The following RRAGA variants were observed in gnomAD, a reference collection of about 807,000 sequenced individuals.
RRAGA encodes Ras related GTP binding A.
A neutral mutation model predicts 20.5 loss-of-function variants in RRAGA; 11 were observed. The observed-to-expected ratio is 0.54, with a 90% CI of 0.34 to 0.89. RRAGA has a LOEUF of 0.89. RRAGA is among the 40% of genes least tolerant of loss of function. The pLI is 0.02. For synonymous variants in RRAGA, 184 were observed against 155.4 expected (o/e 1.18, Z -1.37); for missense variants, 214 against 400.7 (o/e 0.53, Z 3.98).
At position 19,050,559 on chromosome 9, in the gene RRAGA, G is replaced by A. The variant is rs1312383651; in HGVS notation, c.900G>A (p.Leu300=). The change falls in exon 1 of 1, where the codon CTG becomes CTA. Residue 300 remains leucine (L), a synonymous_variant. Transcript: ENST00000380527. ...IRNARKHFEK[L]ERVDGPKHSL... is the part of the protein sequence containing the mutation. ...ATGCCCGGAAACACTTTGAGAAGCT[G>A]GAGAGAGTGGATGGCCCCAAGCACA... 4 of 1,614,100 alleles carry A rather than the reference G, an allele frequency of 2.5e-6. No homozygotes were observed. Among genetic ancestry groups the A allele is most frequent in the African/African-American group, 2.7e-5 (2 of 74,922 alleles).
rs1275046174 is a variant in RRAGA, at chr9:19,050,541, G to A, written c.882G>A (p.Arg294=). ...AATLINIRNA[R]KHFEKLERVD... ...CTCTGATCAACATTCGCAATGCCCGGAAACACTTTGAGAAGCTGGAGAGAG... is the reference window on the plus strand; with the variant it reads ...CTCTGATCAACATTCGCAATGCCCGAAAACACTTTGAGAAGCTGGAGAGAG... Residue 294 remains arginine, a synonymous_variant, in exon 1 of 1, where the codon CGG becomes CGA. Transcript: ENST00000380527. The A allele has an allele frequency of 6.2e-7, 1 of 1,614,186 alleles. No individual in the cohort carries two copies. Among genetic ancestry groups the A allele is most frequent in the Non-Finnish European group, 8.5e-7 (1 of 1,180,046 alleles).
rs1442036423 is a variant in RRAGA, at chr9:19,049,564, G to GGC, written c.-92_-91dup. On this transcript the variant is annotated 5_prime_UTR_variant, in exon 1 of 1. Coordinates refer to ENST00000380527, the MANE Select transcript of RRAGA (RefSeq NM_006570.5). The surrounding 1 kb of genome is among the most constrained non-coding windows in gnomAD (Gnocchi z 5.4). ...CCAGCTGCGCGGCGGAGCGGAGCGA[G>GGC]GCGCGGCCTGCGAGTCCCCGGCAGC... 1 of 906,996 alleles carries GGC rather than the reference G, an allele frequency of 1.1e-6. No individual in the cohort carries two copies. Among genetic ancestry groups the GGC allele is most frequent in the Non-Finnish European group, 1.6e-6 (1 of 612,252 alleles). 56.2% of individuals were successfully genotyped at this position (906,996 alleles called of 1,614,324 possible). A position where few individuals can be genotyped will look rare whatever the true frequency, so the allele number is the denominator to read the frequency against.
rs1836339239 is a variant in RRAGA at position 19,050,992 on chromosome 9, T to G, written c.*391T>G. The G allele has an allele frequency of 5.6e-6, 1 of 179,660 alleles. No individual in the cohort carries two copies. The highest frequency in any genetic ancestry group is 5.7e-5 in the Admixed American group (1 of 17,618). The allele number at this position is 179,660 out of a possible 1,614,324, so 11.1% of individuals were successfully genotyped here. A position where few individuals can be genotyped will look rare whatever the true frequency, so the allele number is the denominator to read the frequency against. On this transcript the variant is annotated 3_prime_UTR_variant, in exon 1 of 1. Transcript: ENST00000380527. ...AATGCATTTATAAATTCTTCTTGGC[T>G]TCATTCATGAATAAACGTGTTAGCA...
At position 19,050,517 on chromosome 9, in the gene RRAGA, T is replaced by C. The variant is rs1470972965; in HGVS notation, c.858T>C (p.Thr286=). The C allele has an allele frequency of 4.3e-6, 7 of 1,614,052 alleles. No individual in the cohort carries two copies. Among genetic ancestry groups the C allele is most frequent in the Non-Finnish European group, 5.9e-6 (7 of 1,180,042 alleles). The change falls in exon 1 of 1, where the codon ACT becomes ACC. Residue 286 remains threonine, a synonymous_variant. Transcript: ENST00000380527. ...ATCCGTCGATCCCTTCTGCGGCCAC[T>C]CTGATCAACATTCGCAATGCCCGGA... is the stretch of plus-strand genomic sequence containing the variant. ...MSDPSIPSAA[T]LINIRNARKH...
chr9:19,049,518 G>C lies in RRAGA; in HGVS notation c.-142G>C. 1 of 635,614 alleles carries C rather than the reference G, an allele frequency of 1.6e-6. No homozygotes were observed. Among genetic ancestry groups the C allele is most frequent in the Non-Finnish European group, 2.6e-6 (1 of 386,508 alleles). The allele number at this position is 635,614 out of a possible 1,614,324, so 39.4% of individuals were successfully genotyped here. On this transcript the variant is annotated 5_prime_UTR_variant, in exon 1 of 1. Coordinates refer to ENST00000380527, the MANE Select transcript of RRAGA (RefSeq NM_006570.5). This position sits in a 1 kb window ranked among gnomAD's most constrained non-coding sequence, Gnocchi z 5.4. Reference sequence around the variant, plus strand: ...GCGGCCTCTCCAGCCCCGGGTTCGCGCTCTCGACTCTCCTGCCTGCCCAGC... The same window carrying C: ...GCGGCCTCTCCAGCCCCGGGTTCGCCCTCTCGACTCTCCTGCCTGCCCAGC...
Position 19,050,418 on chromosome 9 carries a change from A to G in RRAGA, c.759A>G (p.Glu253=), listed in dbSNP as rs756850400. 7 of 1,614,068 alleles carry G rather than the reference A, an allele frequency of 4.3e-6. No individual in the cohort carries two copies. In the African/African-American group the frequency reaches 8.0e-5, roughly 18 times the overall value. ...SKLAASFQSM[E]VRNSNFAAFI... is the part of the protein sequence containing the mutation. Reference sequence around the variant, plus strand: ...TGGCCGCTTCCTTCCAGAGCATGGAAGTTAGGAATTCCAACTTCGCTGCTT... The same window carrying G: ...TGGCCGCTTCCTTCCAGAGCATGGAGGTTAGGAATTCCAACTTCGCTGCTT... The change falls in exon 1 of 1, where the codon GAA becomes GAG. Residue 253 remains glutamate, a synonymous_variant. Transcript: ENST00000380527.
Position 19,049,515 on chromosome 9 carries a change from C to A in RRAGA, c.-145C>A. ...TCCGCGGCCTCTCCAGCCCCGGGTT[C>A]GCGCTCTCGACTCTCCTGCCTGCCC... On this transcript the variant is annotated 5_prime_UTR_variant, in exon 1 of 1. Transcript: ENST00000380527. This position sits in a 1 kb window ranked among gnomAD's most constrained non-coding sequence, Gnocchi z 5.4. The A allele has an allele frequency of 1.6e-6, 1 of 622,344 alleles. No homozygotes were observed. The highest frequency in any genetic ancestry group is 2.7e-6 in the Non-Finnish European group (1 of 375,896). The allele number at this position is 622,344 out of a possible 1,614,324, so 38.6% of individuals were successfully genotyped here.
Position 19,049,655 on chromosome 9 carries a change from G to A in RRAGA, c.-5G>A, listed in dbSNP as rs1214560973. The A allele has an allele frequency of 1.1e-5, 18 of 1,605,608 alleles. 1 individual carries two copies. Among genetic ancestry groups the A allele is most frequent in the Middle Eastern group, 3.3e-4 (2 of 6,056 alleles). The stretch of plus-strand genomic sequence containing the variant: ...CAGGCCCAGTCCGCGGTGCCCCGGC[G>A]GGTGATGCCAAATACAGCCATGAAG... On this transcript the variant is annotated 5_prime_UTR_variant, in exon 1 of 1. Coordinates refer to ENST00000380527, the MANE Select transcript of RRAGA (RefSeq NM_006570.5). The surrounding 1 kb of genome is among the most constrained non-coding windows in gnomAD (Gnocchi z 5.4).
Position 19,049,833 on chromosome 9 carries a change from G to C in RRAGA, c.174G>C (p.Leu58=). Reference sequence around the variant, plus strand: ...TCCGATTCCTAGGGAACCTGGTGCTGAACCTGTGGGACTGTGGCGGTCAGG... The same window carrying C: ...TCCGATTCCTAGGGAACCTGGTGCTCAACCTGTGGGACTGTGGCGGTCAGG... ...SHVRFLGNLV[L]NLWDCGGQDT... The change falls in exon 1 of 1, where the codon CTG becomes CTC. Residue 58 remains leucine, a synonymous_variant. Transcript: ENST00000380527. This position sits in a 1 kb window ranked among gnomAD's most constrained non-coding sequence, Gnocchi z 5.4. The C allele has an allele frequency of 6.2e-7, 1 of 1,614,184 alleles. No individual in the cohort carries two copies. Among genetic ancestry groups the C allele is most frequent in the Non-Finnish European group, 8.5e-7 (1 of 1,180,048 alleles).
At position 19,050,721 on chromosome 9, in the gene RRAGA, C is replaced by T; in HGVS notation, c.*120C>T. On this transcript the variant is annotated 3_prime_UTR_variant, in exon 1 of 1. Transcript: ENST00000380527. ...GCTTTGAAGTGTGTGCTGCTTACTC[C>T]TTTCATCTTTCTCCCCGCTTCCCCA... is the stretch of plus-strand genomic sequence containing the variant. The T allele has an allele frequency of 2.2e-6, 2 of 889,762 alleles. No individual in the cohort carries two copies. Among genetic ancestry groups the T allele is most frequent in the South Asian group, 1.7e-5 (1 of 58,416 alleles). The allele number at this position is 889,762 out of a possible 1,614,324, so 55.1% of individuals were successfully genotyped here. A position where few individuals can be genotyped will look rare whatever the true frequency, so the allele number is the denominator to read the frequency against.
rs1238682625 is a variant in RRAGA at position 19,049,436 on chromosome 9, G to C, written c.-224G>C. 6.8e-6 allele frequency: 3 copies of C among 438,634 alleles called. No individual in the cohort carries two copies. Among genetic ancestry groups the C allele is most frequent in the Non-Finnish European group, 1.2e-5 (3 of 249,084 alleles). 27.2% of individuals were successfully genotyped at this position (438,634 alleles called of 1,614,324 possible). Reference sequence around the variant, plus strand: ...CTCCCGGAAAGCGAGCGTATCTCCCGAGCCGTTGCCACTGACAGCCGCGGG... The same window carrying C: ...CTCCCGGAAAGCGAGCGTATCTCCCCAGCCGTTGCCACTGACAGCCGCGGG... On this transcript the variant is annotated 5_prime_UTR_variant, in exon 1 of 1. Transcript: ENST00000380527. The surrounding 1 kb of genome is among the most constrained non-coding windows in gnomAD (Gnocchi z 5.4).
rs2131084116 is a variant in RRAGA, at chr9:19,050,117, G to T, written c.458G>T (p.Arg153Leu). The change falls in exon 1 of 1, where the codon CGC becomes CTC. Residue 153 changes from arginine to leucine, a missense_variant. Physicochemically the swap from Arg to Leu is moderately radical, Grantham distance 102 (BLOSUM62 -2). Around this residue, in one of 4 missense-constraint regions of RRAGA, gnomAD observed 88 missense variants for 169.9 expected, o/e 0.52. Transcript: ENST00000380527. ...GAGGAAGACCTGAGGCGTCTGTCTCGCCCGCTGGAGTGTGCTTGTTTTCGA... is the reference window on the plus strand; with the variant it reads ...GAGGAAGACCTGAGGCGTCTGTCTCTCCCGCTGGAGTGTGCTTGTTTTCGA... ...EREEDLRRLS[R>L]PLECACFRTS... is the part of the protein sequence containing the mutation. The T allele has an allele frequency of 6.2e-7, 1 of 1,614,000 alleles. No individual in the cohort carries two copies. The highest frequency in any genetic ancestry group is 1.1e-5 in the South Asian group (1 of 91,064).
In RRAGA at chr9:19,049,692, G is replaced by T. The variant is rs762716867; in HGVS notation, c.33G>T (p.Leu11=). ...ATACAGCCATGAAGAAAAAGGTGCT[G>T]CTGATGGGGAAGAGCGGGTCGGGGA... The part of the protein sequence containing the change: MPNTAMKKKV[L]LMGKSGSGKT... The change falls in exon 1 of 1, where the codon CTG becomes CTT. Residue 11 remains leucine (L), a synonymous_variant. Coordinates refer to ENST00000380527, the MANE Select transcript of RRAGA (RefSeq NM_006570.5). This position sits in a 1 kb window ranked among gnomAD's most constrained non-coding sequence, Gnocchi z 5.4. 6.8e-6 allele frequency: 11 copies of T among 1,613,920 alleles called. No individual in the cohort carries two copies. The Admixed American group carries it at 1.7e-4, about 24-fold the overall frequency.
At position 19,050,035 on chromosome 9, in the gene RRAGA, G is replaced by T. The variant is rs200648187; in HGVS notation, c.376G>T (p.Val126Leu). 4.3e-6 allele frequency: 7 copies of T among 1,614,164 alleles called. No homozygotes were observed. The East Asian group carries it at 1.1e-4, about 26-fold the overall frequency. ...NSPDAKIFCL[V>L]HKMDLVQEDQ... ...TCCTGACGCCAAAATCTTCTGCCTGGTGCACAAAATGGATCTGGTTCAGGA... is the reference window on the plus strand; with the variant it reads ...TCCTGACGCCAAAATCTTCTGCCTGTTGCACAAAATGGATCTGGTTCAGGA... Residue 126 changes from valine (V) to leucine (L), a missense_variant, in exon 1 of 1, where the codon GTG becomes TTG. Around this residue, in one of 4 missense-constraint regions of RRAGA, gnomAD observed 88 missense variants for 169.9 expected, o/e 0.52. Coordinates refer to ENST00000380527, the MANE Select transcript of RRAGA (RefSeq NM_006570.5).
rs1564002073 is a variant in RRAGA at position 19,050,196 on chromosome 9, G to C, written c.537G>C (p.Gln179His). Reference sequence around the variant, plus strand: ...AAGCCTGGTCCAGCATCGTCTACCAGCTGATTCCCAACGTTCAGCAGCTGG... The same window carrying C: ...AAGCCTGGTCCAGCATCGTCTACCACCTGATTCCCAACGTTCAGCAGCTGG... ...LYKAWSSIVY[Q>H]LIPNVQQLEM... Residue 179 changes from glutamine to histidine, a missense_variant, in exon 1 of 1, where the codon CAG becomes CAC. Physicochemically the swap from Gln to His is conservative, Grantham distance 24. Around this residue, in one of 4 missense-constraint regions of RRAGA, gnomAD observed 88 missense variants for 169.9 expected, o/e 0.52. Transcript: ENST00000380527. 1 of 1,613,954 alleles carries C rather than the reference G, an allele frequency of 6.2e-7. No homozygotes were observed.
chr9:19,050,760 G>A lies in RRAGA; in HGVS notation c.*159G>A, dbSNP rs1836334133. ...CCCGCTTCCCCAGTCTTTAAACATT[G>A]GACGCTATTTACTCAGCTACCCAGT... On this transcript the variant is annotated 3_prime_UTR_variant, in exon 1 of 1. Coordinates refer to ENST00000380527, the MANE Select transcript of RRAGA (RefSeq NM_006570.5). 1.4e-6 allele frequency: 1 copy of A among 720,696 alleles called. No individual in the cohort carries two copies. The highest frequency in any genetic ancestry group is 1.9e-5 in the South Asian group (1 of 52,062). 44.6% of individuals were successfully genotyped at this position (720,696 alleles called of 1,614,324 possible).
Position 19,049,628 on chromosome 9 carries a change from C to G in RRAGA, c.-32C>G. 1 of 1,565,388 alleles carries G rather than the reference C, an allele frequency of 6.4e-7. No homozygotes were observed. The highest frequency in any genetic ancestry group is 8.7e-7 in the Non-Finnish European group (1 of 1,149,734). ...CTCGGCGCTGCGTGTAGGCCGCGCC[C>G]TCAGGCCCAGTCCGCGGTGCCCCGG... On this transcript the variant is annotated 5_prime_UTR_variant, in exon 1 of 1. Coordinates refer to ENST00000380527, the MANE Select transcript of RRAGA (RefSeq NM_006570.5). This position sits in a 1 kb window ranked among gnomAD's most constrained non-coding sequence, Gnocchi z 5.4.
Position 19,050,639 on chromosome 9 carries a change from CT to C in RRAGA, c.*44del. ...GCTCTTTCTGAAAATGCTGAATTGC[CT>C]TTTTTGTTTGCATCCTTTATTTTTA... On this transcript the variant is annotated 3_prime_UTR_variant, in exon 1 of 1. Transcript: ENST00000380527. 6.3e-7 allele frequency: 1 copy of C among 1,580,360 alleles called. No individual in the cohort carries two copies. Among genetic ancestry groups the C allele is most frequent in the Non-Finnish European group, 8.7e-7 (1 of 1,153,892 alleles).
At position 19,050,145 on chromosome 9, in the gene RRAGA, G is replaced by C. The variant is rs567226713; in HGVS notation, c.486G>C (p.Thr162=). The part of the protein sequence containing the change: ...SRPLECACFR[T]SIWDETLYKA... ...CGCTGGAGTGTGCTTGTTTTCGAAC[G>C]TCCATCTGGGATGAGACGCTCTACA... The change falls in exon 1 of 1, where the codon ACG becomes ACC. Residue 162 remains threonine (T), a synonymous_variant. Transcript: ENST00000380527. The C allele has an allele frequency of 6.2e-7, 1 of 1,614,010 alleles. No individual in the cohort carries two copies. Among genetic ancestry groups the C allele is most frequent in the Admixed American group, 1.7e-5 (1 of 60,004 alleles).
Sources: allele counts gnomAD v4.1 joint callset, GRCh38; gene constraint gnomAD v4.1.1; regional missense constraint gnomAD v4.1.1; non-coding constraint Gnocchi (gnomAD v3.1); transcripts MANE v1.5; gene names NCBI Gene and HGNC (gene_info 2026-07-23, HGNC 2026-07-21).